DECR2: variants seen among roughly 807,000 people sequenced by gnomAD.
DECR2 encodes peroxisomal 2,4-dienoyl-CoA reductase [(3E)-enoyl-CoA-producing].
DECR2 carries 34 observed loss-of-function variants against 29.2 expected under a neutral mutation model. The observed-to-expected ratio is 1.16, with a 90% CI of 0.89 to 1.55. The LOEUF is 1.55. Among genes scored for constraint, DECR2 ranks in the 40% most tolerant of loss-of-function variants. DECR2 has a pLI of 0.00. For missense variants in DECR2, 485 were observed against 425.3 expected (o/e 1.14, Z -1.23); for synonymous variants, 224 against 182.7 (o/e 1.23, Z -1.82).
rs1241828560 is a variant in DECR2, at chr16:410,439, C to T, written c.462+72C>T. 8.9e-6 allele frequency: 14 copies of T among 1,579,956 alleles called. No individual in the cohort carries two copies. Among genetic ancestry groups the T allele is most frequent in the South Asian group, 4.5e-5 (4 of 88,718 alleles). On this transcript the variant is annotated intron_variant, in intron 5 of 8. Transcript: ENST00000219481. This position sits in a 1 kb window ranked among gnomAD's most constrained non-coding sequence, Gnocchi z 4.1. ...TCGTGCGCTCTGTGAGAAGTTCTTC[C>T]GGGTGGGTGCCTTGTGCGCTCTGTG... is the stretch of plus-strand genomic sequence containing the variant.
At chr16:406,532 C>A in intron 3 of DECR2, 135 bp downstream of exon 3, 1 of 834,282 alleles carries the variant, frequency 1.2e-6, no homozygotes, top group Non-Finnish European at 1.9e-6. Flanking sequence ...GAGTCTCGCT[C>A]TGTCACCCAG....
chr16:412,050 T>C lies in DECR2; in HGVS notation c.*161T>C, dbSNP rs1397278382. 1.3e-5 allele frequency: 2 copies of C among 159,272 alleles called. No individual in the cohort carries two copies. Among genetic ancestry groups the C allele is most frequent in the African/African-American group, 2.4e-5 (1 of 41,596 alleles). The allele number at this position is 159,272 out of a possible 1,614,324, so 9.9% of individuals were successfully genotyped here. A position where few individuals can be genotyped will look rare whatever the true frequency, so the allele number is the denominator to read the frequency against. Reference sequence around the variant, plus strand: ...CTCCAGGGCAGGAGCAACTGGACAGTGGGCCTGGCCCGTGGAGCTGCCACG... The same window carrying C: ...CTCCAGGGCAGGAGCAACTGGACAGCGGGCCTGGCCCGTGGAGCTGCCACG... On this transcript the variant is annotated 3_prime_UTR_variant, in exon 9 of 9. Transcript: ENST00000219481.
At chr16:402,950 A>C in intron 1 of DECR2, 1 of 825,074 alleles carries the variant, frequency 1.2e-6, no homozygotes, top group Non-Finnish European at 1.5e-6. Context: ...GCACCATTGC[A>C]CTGGGCAACA....
chr16:409,314 G>A (rs560192994), intron 4 of DECR2, among the ~76,000 whole-genome samples: 60 of 152,056 alleles, frequency 3.9e-4, no homozygotes, highest in Admixed American at 3.8e-3. Context: ...GGGACTACAG[G>A]TGCCTGCCAC....
chr16:403,009 C>T, intron 1 of DECR2: 3 of 984,524 alleles, frequency 3.0e-6, no homozygotes, highest in Non-Finnish European at 2.4e-6. Context: ...AAATTATGTT[C>T]TCCAAGGACA....
At chr16:408,980 C>T (rs889724869) in intron 4 of DECR2, among the ~76,000 whole-genome samples, 6 of 150,464 alleles carry the variant, frequency 4.0e-5, no homozygotes, top group African/African-American at 7.3e-5. Context: ...TACAGGCGCC[C>T]GCTACCACAC....
At chr16:405,801 G>A (rs1395637328) in intron 2 of DECR2, 3 of 370,456 alleles carry the variant, frequency 8.1e-6, no homozygotes, top group Non-Finnish European at 1.1e-5. Flanking sequence ...GGAGTGTGTA[G>A]GAATTTGTTT....
intron 4 of DECR2, among the ~76,000 whole-genome samples, chr16:409,386 G>GA (rs1324434952): frequency 1.4e-5 from 2 of 146,342 alleles, no homozygotes; most frequent in African/African-American, 2.5e-5. Flanking sequence ...TAGCCAGGAT[G>GA]GTCTCGATCT....
At position 402,009 on chromosome 16, in the gene DECR2, G is replaced by C; in HGVS notation, c.46G>C (p.Ala16Pro). Reference protein sequence around the residue: ...PDVEGDDCLPAYRHLFCPDLL... With the variant: ...PDVEGDDCLPPYRHLFCPDLL... ...CGTGGAGGGGGACGACTGTCTCCCCGCGTACCGCCACCTCTTCTGCCCGGA... is the reference window on the plus strand; with the variant it reads ...CGTGGAGGGGGACGACTGTCTCCCCCCGTACCGCCACCTCTTCTGCCCGGA... The change falls in exon 1 of 9, where the codon GCG (alanine) becomes CCG (proline). Residue 16 changes from alanine to proline, a missense_variant. By Grantham distance (27) the Ala-to-Pro change is conservative (BLOSUM62 -1). Coordinates refer to ENST00000219481, the MANE Select transcript of DECR2 (RefSeq NM_020664.4). 1.3e-6 allele frequency: 2 copies of C among 1,489,232 alleles called. No individual in the cohort carries two copies. The highest frequency in any genetic ancestry group is 1.8e-6 in the Non-Finnish European group (2 of 1,127,084). 92.3% of individuals were successfully genotyped at this position (1,489,232 alleles called of 1,614,324 possible).
chr16:403,807 G>A (rs1347976390), intron 1 of DECR2, among the ~76,000 whole-genome samples: 1 of 152,304 alleles, frequency 6.6e-6, no homozygotes, highest in African/African-American at 2.4e-5. Context: ...TAGCCCAAGA[G>A]GTCAAGGCGG....
chr16:404,098 G>T (rs1025065160), intron 1 of DECR2, among the ~76,000 whole-genome samples: 4 of 151,810 alleles, frequency 2.6e-5, no homozygotes, highest in African/African-American at 9.7e-5. Flanking sequence ...GTGTGAACCT[G>T]GGAGGAGGAG....
intron 2 of DECR2, among the ~76,000 whole-genome samples, chr16:405,933 T>A (rs1317905264): frequency 6.6e-6 from 1 of 152,218 alleles, no homozygotes; most frequent in East Asian, 1.9e-4. Context: ...GAGGCCAACG[T>A]GGTGGATTCG....
chr16:402,017 C>T lies in DECR2; in HGVS notation c.54C>T (p.Arg18=). 1 of 1,488,854 alleles carries T rather than the reference C, an allele frequency of 6.7e-7. No individual in the cohort carries two copies. The highest frequency in any genetic ancestry group is 8.9e-7 in the Non-Finnish European group (1 of 1,126,724). The allele number at this position is 1,488,854 out of a possible 1,614,324, so 92.2% of individuals were successfully genotyped here. Residue 18 remains arginine, a synonymous_variant, in exon 1 of 9, where the codon CGC becomes CGT. Transcript: ENST00000219481. ...GGGACGACTGTCTCCCCGCGTACCG[C>T]CACCTCTTCTGCCCGGACCTGCTGC... ...VEGDDCLPAY[R]HLFCPDLLRD...
chr16:404,828 C>T (rs2054705922), intron 1 of DECR2, 128 bp from the exon 2 acceptor site: 1 of 833,284 alleles, frequency 1.2e-6, no homozygotes, highest in Non-Finnish European at 1.9e-6. Flanking sequence ...CGAGGTTTTA[C>T]CATATTGTCC....
Position 410,289 on chromosome 16 carries a change from C to T in DECR2, c.384C>T (p.Asn128=), listed in dbSNP as rs757988805. The T allele has an allele frequency of 1.4e-5, 22 of 1,613,652 alleles. No individual in the cohort carries two copies. Among genetic ancestry groups the T allele is most frequent in the African/African-American group, 2.7e-5 (2 of 74,912 alleles). Residue 128 remains asparagine (N), a synonymous_variant, in exon 5 of 9, where the codon AAC becomes AAT. Coordinates refer to ENST00000219481, the MANE Select transcript of DECR2 (RefSeq NM_020664.4). This position sits in a 1 kb window ranked among gnomAD's most constrained non-coding sequence, Gnocchi z 4.1. The part of the protein sequence containing the change: ...FLCPAGALSF[N]AFKTVMDIDT... ...GCCCCGCTGGCGCCTTGTCCTTCAACGCCTTCAAGACCGTGATGGACATCG... is the reference window on the plus strand; with the variant it reads ...GCCCCGCTGGCGCCTTGTCCTTCAATGCCTTCAAGACCGTGATGGACATCG...
intron 4 of DECR2, chr16:409,949 T>A (rs2054790721): frequency 2.3e-6 from 1 of 429,830 alleles, no homozygotes; most frequent in Non-Finnish European, 4.3e-6. Context: ...TAATTCGTTG[T>A]GACTTCAGTG....
chr16:405,116 G>T (rs943210440), intron 2 of DECR2, 92 bp downstream of exon 2: 6 of 1,483,652 alleles, frequency 4.0e-6, no homozygotes, highest in Non-Finnish European at 5.6e-6. Flanking sequence ...TTGGTGGGAG[G>T]TAGATGTCCC....
rs531767849 is a variant in DECR2, at chr16:410,388, G to A, written c.462+21G>A. 2.5e-4 allele frequency: 396 copies of A among 1,575,604 alleles called. No individual in the cohort carries two copies. In the South Asian group the frequency reaches 3.6e-3, roughly 14 times the overall value. ...TCCGGGTGGGTGCCTCGTGCGCTCT[G>A]TGAGAAGTTCTTCCGGGTGGGTGCC... is the stretch of plus-strand genomic sequence containing the variant. On this transcript the variant is annotated intron_variant, in intron 5 of 8. Transcript: ENST00000219481. The surrounding 1 kb of genome is among the most constrained non-coding windows in gnomAD (Gnocchi z 4.1).
Position 410,621 on chromosome 16 carries a change from C to A in DECR2, c.463-70C>A. The A allele has an allele frequency of 6.8e-7, 1 of 1,463,588 alleles. No individual in the cohort carries two copies. The allele number at this position is 1,463,588 out of a possible 1,614,324, so 90.7% of individuals were successfully genotyped here. ...CTGCCCCGGGCCTCCCCCTGACAGC[C>A]ACCCGCTCACTGTCCTGTGACCTCC... On this transcript the variant is annotated intron_variant, in intron 5 of 8. Coordinates refer to ENST00000219481, the MANE Select transcript of DECR2 (RefSeq NM_020664.4). The surrounding 1 kb of genome is among the most constrained non-coding windows in gnomAD (Gnocchi z 4.1).
Sources: allele counts gnomAD v4.1 joint callset (sites outside exome capture counted in the v4.1 genomes callset), GRCh38; gene constraint gnomAD v4.1.1; non-coding constraint Gnocchi (gnomAD v3.1); transcripts MANE v1.5; gene names NCBI Gene and HGNC (gene_info 2026-07-23, HGNC 2026-07-21).